The following NYAP2 variants were observed in gnomAD, a reference collection of about 807,000 sequenced individuals.
NYAP2 encodes the protein neuronal tyrosine-phosphorylated phosphoinositide-3-kinase adaptor 2, also known as neuronal tyrosine-phosphorylated phosphoinositide-3-kinase adapter 2.
A neutral mutation model predicts 50.4 loss-of-function variants in NYAP2; 23 were observed. That is an observed-to-expected ratio of 0.46 (90% CI 0.33 to 0.65). The LOEUF is 0.65. NYAP2 is among the 30% of genes least tolerant of loss of function. The pLI is 0.02. For missense variants in NYAP2, 885 were observed against 861.0 expected (o/e 1.03, Z -0.35); for synonymous variants, 394 against 365.2 (o/e 1.08, Z -0.90).
intron 4 of NYAP2, among the ~76,000 whole-genome samples, chr2:225,546,451 C>T (rs1434440804): frequency 6.6e-6 from 1 of 152,064 alleles, no homozygotes; most frequent in East Asian, 1.9e-4. Flanking sequence ...AGGAGCCTCT[C>T]CACATGGTTA....
At chr2:225,552,159 C>T (rs1004023703) in intron 4 of NYAP2, among the ~76,000 whole-genome samples, 8 of 152,056 alleles carry the variant, frequency 5.3e-5, no homozygotes, top group African/African-American at 1.9e-4. Context: ...CCTCATTTGT[C>T]CAATTTCATG....
At chr2:225,533,309 A>G (rs1380742501) in intron 4 of NYAP2, among the ~76,000 whole-genome samples, 4 of 152,276 alleles carry the variant, frequency 2.6e-5, no homozygotes, top group East Asian at 1.9e-4. Flanking sequence ...CTCTCCATAT[A>G]CAATCATTAT....
At position 225,582,724 on chromosome 2, in the gene NYAP2, C is replaced by G; in HGVS notation, c.1307C>G (p.Ser436Cys). The G allele has an allele frequency of 3.1e-6, 5 of 1,611,374 alleles. No individual in the cohort carries two copies. Among genetic ancestry groups the G allele is most frequent in the Non-Finnish European group, 4.2e-6 (5 of 1,178,116 alleles). Residue 436 changes from serine to cysteine, a missense_variant, in exon 5 of 7, where the codon TCT becomes TGT. By Grantham distance (112) the Ser-to-Cys change is moderately radical. Transcript: ENST00000636099. The surrounding 1 kb of genome is among the most constrained non-coding windows in gnomAD (Gnocchi z 7.0). ...GGCTACCCTAAAAGTCACTCCACCT[C>G]TCCCTCCCCCGTCAGCATGGGGAGG... is the stretch of plus-strand genomic sequence containing the variant.
At chr2:225,558,007 C>G (rs1691807774) in intron 4 of NYAP2, among the ~76,000 whole-genome samples, 1 of 152,116 alleles carries the variant, frequency 6.6e-6, no homozygotes, top group Admixed American at 6.5e-5. Flanking sequence ...AAATATTTCT[C>G]CCTTTCCCTG....
intron 4 of NYAP2, among the ~76,000 whole-genome samples, chr2:225,520,952 G>T (rs896601909): frequency 6.6e-6 from 1 of 151,038 alleles, no homozygotes. Context: ...ATTTCATTGA[G>T]CAGTGGTTTG....
the NYAP2 span, among the ~76,000 whole-genome samples, chr2:225,678,203 G>A: frequency 6.6e-6 from 1 of 152,046 alleles, no homozygotes; most frequent in African/African-American, 2.4e-5. Context: ...CTTTTACACA[G>A]AGGTGCTCAG....
At chr2:225,611,607 A>G in intron 5 of NYAP2, among the ~76,000 whole-genome samples, 1 of 152,020 alleles carries the variant, frequency 6.6e-6, no homozygotes, top group East Asian at 1.9e-4. Flanking sequence ...CTTAAAAAAA[A>G]TCATCTATTA....
At chr2:225,401,271 G>A (rs1405153327) in intron 2 of NYAP2, among the ~76,000 whole-genome samples, 1 of 152,048 alleles carries the variant, frequency 6.6e-6, no homozygotes, top group Non-Finnish European at 1.5e-5. Flanking sequence ...ACATTACCAT[G>A]GAAATGGTTA....
chr2:225,667,214 T>C, the NYAP2 span, among the ~76,000 whole-genome samples: 1 of 152,146 alleles, frequency 6.6e-6, no homozygotes, highest in Non-Finnish European at 1.5e-5. Context: ...AGTTTGAAGA[T>C]GGTTGATATG....
intron 4 of NYAP2, among the ~76,000 whole-genome samples, chr2:225,569,892 G>A (rs1418661500): frequency 6.6e-6 from 1 of 152,138 alleles, no homozygotes; most frequent in Admixed American, 6.5e-5. Context: ...CTGCAGAATA[G>A]TTCCTGTCCC....
intron 3 of NYAP2, among the ~76,000 whole-genome samples, chr2:225,413,003 A>G (rs966429087): frequency 1.3e-5 from 2 of 152,088 alleles, no homozygotes; most frequent in African/African-American, 2.4e-5. Context: ...CTCAAACACT[A>G]TTTTATTACT....
chr2:225,515,265 T>G (rs1289195438), intron 4 of NYAP2, among the ~76,000 whole-genome samples: 2 of 152,362 alleles, frequency 1.3e-5, no homozygotes, highest in South Asian at 4.1e-4. Flanking sequence ...GTTTGCATAT[T>G]TGCAAAATTG....
intron 3 of NYAP2, among the ~76,000 whole-genome samples, chr2:225,512,853 C>CTTTCT (rs1187395195): frequency 1.7e-5 from 1 of 57,566 alleles, no homozygotes; most frequent in African/African-American, 4.8e-5. Context: ...TTCTTTCTTT[C>CTTTCT]TTCCTTCCTT....
chr2:225,402,881 A>C (rs368844127), intron 2 of NYAP2, among the ~76,000 whole-genome samples: 2 of 152,012 alleles, frequency 1.3e-5, no homozygotes, highest in African/African-American at 2.4e-5. Context: ...TCAGAAAAAA[A>C]TTTTGACATG....
At chr2:225,405,693 T>C (rs1338418759) in intron 2 of NYAP2, among the ~76,000 whole-genome samples, 1 of 151,956 alleles carries the variant, frequency 6.6e-6, no homozygotes, top group Non-Finnish European at 1.5e-5. Context: ...GAGAAACACT[T>C]TGGGCTTGGA....
At chr2:225,597,512 A>AATTATATATATATATATATATATAT (rs1553554328) in intron 5 of NYAP2, among the ~76,000 whole-genome samples, 6 of 46,256 alleles carry the variant, frequency 1.3e-4, no homozygotes, top group African/African-American at 3.5e-4. Context: ...TCCAAGGAGA[A>AATTATATATATATATATATATATAT]ATATATATAT....
chr2:225,558,720 C>CG (rs138660058), intron 4 of NYAP2, among the ~76,000 whole-genome samples: 3,172 of 152,154 alleles, frequency 0.021, 128 homozygotes, highest in African/African-American at 0.073. Context: ...TGGACATTTT[C>CG]GGGGGGTGCC....
intron 3 of NYAP2, among the ~76,000 whole-genome samples, chr2:225,444,457 A>G (rs1689520917): frequency 6.6e-6 from 1 of 152,168 alleles, no homozygotes; most frequent in East Asian, 1.9e-4. Flanking sequence ...TTGCATATAA[A>G]TTTATACATT....
In NYAP2 at chr2:225,558,062, C is replaced by T. The variant is rs149563513; in HGVS notation, c.524-23879C>T. ...GTACTGCTTTGGGGATTGATTGGTT[C>T]GATCCTATGATATGACCCTCCAGGG... On this transcript the variant is annotated intron_variant, in intron 4 of 6. Transcript: ENST00000636099. Among the ~76,000 whole-genome samples the T allele has an allele frequency of 1.5e-4, 23 of 152,192 alleles. No homozygotes were observed. In the East Asian group the frequency reaches 2.1e-3, roughly 14 times the overall value.
Sources: gnomAD v4.1 joint callset for allele counts (sites outside exome capture counted in the v4.1 genomes callset) on GRCh38, gnomAD v4.1.1 for gene constraint, Gnocchi (gnomAD v3.1) non-coding constraint, MANE v1.5 for transcripts, NCBI Gene and HGNC (gene_info 2026-07-23, HGNC 2026-07-21) for gene names.